GPR149: variants seen among roughly 807,000 people sequenced by gnomAD.
GPR149 encodes the protein probable G protein-coupled receptor 149.
A neutral mutation model predicts 50.2 loss-of-function variants in GPR149; 50 were observed. The ratio of observed to expected loss-of-function variants is 1.00; its 90% CI spans 0.79 to 1.26. The LOEUF (loss-of-function observed/expected upper bound fraction) is 1.26, where lower values mean the gene tolerates loss of function less well. GPR149 is among the 50% of genes most tolerant of loss of function. The probability of loss-of-function intolerance (pLI) is 0.00; values close to 1 mark genes in which losing one functional copy is unlikely to be tolerated. For missense variants in GPR149, 983 were observed against 895.4 expected, an observed-to-expected ratio of 1.10 and a Z score of -1.25; for synonymous variants, 405 against 358.2, an observed-to-expected ratio of 1.13 and a Z score of -1.48.
chr3:154,352,684 A>T, intron 3 of GPR149: 1 of 781,000 alleles, frequency 1.3e-6, no homozygotes, highest in South Asian at 1.3e-5. Flanking sequence ...CTCTTCTATC[A>T]GTCTCTGAGC....
chr3:154,375,075 T>A (rs945918253), intron 3 of GPR149, among the ~76,000 whole-genome samples: 1 of 152,206 alleles, frequency 6.6e-6, no homozygotes, highest in African/African-American at 2.4e-5. Context: ...TTAAAGTGTT[T>A]ACCCAAGAGC....
intron 2 of GPR149, among the ~76,000 whole-genome samples, chr3:154,424,538 A>G (rs1209593471): frequency 7.9e-5 from 12 of 151,880 alleles, no homozygotes; most frequent in Admixed American, 7.9e-4. Context: ...AAAAATACAT[A>G]GTTGAGATTT....
At chr3:154,346,027 G>T (rs532273394) in intron 3 of GPR149, among the ~76,000 whole-genome samples, 4 of 152,244 alleles carry the variant, frequency 2.6e-5, no homozygotes, top group Admixed American at 2.6e-4. Context: ...ATCTGCTCTA[G>T]CTAAGAGTCA....
intron 3 of GPR149, among the ~76,000 whole-genome samples, chr3:154,376,853 T>C (rs1714803091): frequency 6.6e-6 from 1 of 152,164 alleles, no homozygotes; most frequent in African/African-American, 2.4e-5. Context: ...ATGGATGCCC[T>C]TGAGCAACTT....
At chr3:154,424,546 T>C (rs1487985127) in intron 2 of GPR149, among the ~76,000 whole-genome samples, 1 of 151,900 alleles carries the variant, frequency 6.6e-6, no homozygotes, top group African/African-American at 2.4e-5. Flanking sequence ...ATAGTTGAGA[T>C]TTTTTAAAAA....
intron 2 of GPR149, among the ~76,000 whole-genome samples, chr3:154,426,634 T>C (rs1712310305): frequency 6.6e-6 from 1 of 152,206 alleles, no homozygotes; most frequent in South Asian, 2.1e-4. Flanking sequence ...AGTCAAAATA[T>C]ACAGCTCATT....
At chr3:154,428,609 C>G in intron 1 of GPR149, 26 bp downstream of exon 1, 2 of 1,597,406 alleles carry the variant, frequency 1.3e-6, no homozygotes, top group Non-Finnish European at 1.7e-6. Flanking sequence ...CACACACTCG[C>G]GCTTTGTGAG....
chr3:154,337,306 T>C lies in GPR149; in HGVS notation c.*393A>G, dbSNP rs1434819372. Reference sequence around the variant, plus strand: ...ATTTCTTCCATTCCCAGAATTCCTCTTTTTTCCCCTTTGCAGTAAAGGCCA... The same window carrying C: ...ATTTCTTCCATTCCCAGAATTCCTCCTTTTTCCCCTTTGCAGTAAAGGCCA... On this transcript the variant is annotated 3_prime_UTR_variant, in exon 4 of 4. Coordinates refer to ENST00000389740, the MANE Select transcript of GPR149 (RefSeq NM_001038705.3). 1.3e-5 allele frequency among the ~76,000 whole-genome samples: 2 copies of C among 152,162 alleles called. No homozygotes were observed. The highest frequency in any genetic ancestry group is 1.3e-4 in the Admixed American group (2 of 15,274).
At chr3:154,345,166 T>C (rs747866386) in intron 3 of GPR149, among the ~76,000 whole-genome samples, 3 of 152,182 alleles carry the variant, frequency 2.0e-5, no homozygotes, top group Non-Finnish European at 4.4e-5. Flanking sequence ...TGTGCATAAA[T>C]TGGCAACACT....
At chr3:154,375,269 C>T (rs1714764290) in intron 3 of GPR149, among the ~76,000 whole-genome samples, 1 of 152,124 alleles carries the variant, frequency 6.6e-6, no homozygotes, top group South Asian at 2.1e-4. Context: ...CAAAACATTA[C>T]ATTTTGTACA....
chr3:154,345,217 C>G (rs182919014), intron 3 of GPR149, among the ~76,000 whole-genome samples: 1 of 152,136 alleles, frequency 6.6e-6, no homozygotes, highest in African/African-American at 2.4e-5. Context: ...TAACTTTTCG[C>G]ACAAAAAATA....
chr3:154,355,770 C>CA (rs1714205087), intron 3 of GPR149, among the ~76,000 whole-genome samples: 1 of 151,968 alleles, frequency 6.6e-6, no homozygotes, highest in South Asian at 2.1e-4. Context: ...GAATATCCTA[C>CA]AAAAAATGTT....
At position 154,429,086 on chromosome 3, in the gene GPR149, C is replaced by T. The variant is rs763187151; in HGVS notation, c.530G>A (p.Arg177His). 1 of 1,613,676 alleles carries T rather than the reference C, an allele frequency of 6.2e-7. No individual in the cohort carries two copies. Among genetic ancestry groups the T allele is most frequent in the Non-Finnish European group, 8.5e-7 (1 of 1,179,922 alleles). Residue 177 changes from arginine (R) to histidine (H), a missense_variant, in exon 1 of 4, where the codon CGC becomes CAC. Arg to His is a conservative substitution (Grantham distance 29, BLOSUM62 0). Coordinates refer to ENST00000389740, the MANE Select transcript of GPR149 (RefSeq NM_001038705.3). ...GTCCACCAGGCAGCCCCAGGGCGTG[C>T]GCACGAAGGCGCCCCAGCCGCACAG... ...LPLCGWGAFV[R>H]TPWGCLVDCS...
chr3:154,381,837 AAAT>A (rs1000649019), intron 3 of GPR149, among the ~76,000 whole-genome samples: 2 of 152,216 alleles, frequency 1.3e-5, no homozygotes, highest in Non-Finnish European at 2.9e-5. Context: ...CTATTAAAAA[AAAT>A]ATGTTATTAC....
chr3:154,427,951 A>G (rs1424506036), intron 1 of GPR149, among the ~76,000 whole-genome samples: 1 of 152,044 alleles, frequency 6.6e-6, no homozygotes, highest in Non-Finnish European at 1.5e-5. Context: ...CTGCCTATTC[A>G]AGACTCCACC....
chr3:154,405,055 A>G (rs1045758167), intron 3 of GPR149, among the ~76,000 whole-genome samples: 5 of 152,224 alleles, frequency 3.3e-5, no homozygotes, highest in Admixed American at 6.5e-5. Flanking sequence ...CAGACAAGAG[A>G]AATTAAACAG....
intron 3 of GPR149, among the ~76,000 whole-genome samples, chr3:154,370,982 TA>T (rs1436522212): frequency 6.6e-6 from 1 of 152,178 alleles, no homozygotes; most frequent in Non-Finnish European, 1.5e-5. Context: ...TGTCCCTAAT[TA>T]AAGAAGGAAT....
intron 3 of GPR149, among the ~76,000 whole-genome samples, chr3:154,396,752 C>T (rs1715302361): frequency 6.6e-6 from 1 of 151,794 alleles, no homozygotes; most frequent in Non-Finnish European, 1.5e-5. Context: ...TTGCTCTTCC[C>T]TTTGTCTTTT....
chr3:154,346,889 A>C (rs746823736), intron 3 of GPR149, among the ~76,000 whole-genome samples: 17 of 152,214 alleles, frequency 1.1e-4, no homozygotes, highest in Non-Finnish European at 2.4e-4. Context: ...GAGCCACAGC[A>C]TCTGGCCAGC....
Sources: gnomAD v4.1 joint callset for allele counts (sites outside exome capture counted in the v4.1 genomes callset) on GRCh38, gnomAD v4.1.1 for gene constraint, MANE v1.5 for transcripts, NCBI Gene and HGNC (gene_info 2026-07-23, HGNC 2026-07-21) for gene names.